The following CSMD1 variants were observed in gnomAD, a reference collection of about 807,000 sequenced individuals.
CSMD1 encodes the protein CUB and sushi domain-containing protein 1.
CSMD1 carries 213 observed loss-of-function variants against 417.5 expected under a neutral mutation model. The observed-to-expected ratio is 0.51, with a 90% CI of 0.46 to 0.57. The LOEUF (loss-of-function observed/expected upper bound fraction) is 0.57, where lower values mean the gene tolerates loss of function less well. CSMD1 is among the 20% of genes least tolerant of loss of function. The probability of loss-of-function intolerance (pLI) is 0.00; values close to 1 mark genes in which losing one functional copy is unlikely to be tolerated. For synonymous variants in CSMD1, 2,862 were observed against 1,736.8 expected, an observed-to-expected ratio of 1.65 and a Z score of -16.11; for missense variants, 6,923 against 4,529.7, an observed-to-expected ratio of 1.53 and a Z score of -15.17.
intron 3 of CSMD1, among the ~76,000 whole-genome samples, chr8:4,077,570 G>A (rs1398534880): frequency 6.6e-6 from 1 of 152,056 alleles, no homozygotes; most frequent in East Asian, 1.9e-4. Context: ...GTAAACCACT[G>A]CTATGCCTAT....
At chr8:4,268,823 C>T (rs550463731) in intron 3 of CSMD1, among the ~76,000 whole-genome samples, 3 of 152,126 alleles carry the variant, frequency 2.0e-5, no homozygotes, top group African/African-American at 7.2e-5. Flanking sequence ...TAATAGCCCC[C>T]AAGTAATCTT....
intron 10 of CSMD1, among the ~76,000 whole-genome samples, chr8:3,502,123 G>A (rs576674399): frequency 2.0e-5 from 3 of 152,148 alleles, no homozygotes; most frequent in South Asian, 4.1e-4. Context: ...CCAGCACTTT[G>A]GAAGGCTGAG....
chr8:3,551,029 C>G (rs767454797), intron 10 of CSMD1, among the ~76,000 whole-genome samples: 1 of 152,136 alleles, frequency 6.6e-6, no homozygotes, highest in Non-Finnish European at 1.5e-5. Flanking sequence ...TCAGGATCAG[C>G]CTAAATCTAA....
chr8:4,190,012 A>G (rs573137573), intron 3 of CSMD1, among the ~76,000 whole-genome samples: 30 of 151,934 alleles, frequency 2.0e-4, no homozygotes, highest in African/African-American at 6.8e-4. Context: ...AAATCCCAGC[A>G]CTTTGGGAGG....
At chr8:4,579,422 G>A (rs1799306841) in intron 2 of CSMD1, among the ~76,000 whole-genome samples, 1 of 151,930 alleles carries the variant, frequency 6.6e-6, no homozygotes, top group African/African-American at 2.4e-5. Context: ...ACAATGGCGT[G>A]ATCTCAGCTC....
intron 1 of CSMD1, among the ~76,000 whole-genome samples, chr8:4,722,571 G>C (rs575273258): frequency 6.6e-6 from 1 of 152,102 alleles, no homozygotes; most frequent in African/African-American, 2.4e-5. Context: ...CAGATAGTTA[G>C]GAATGTCTGT....
chr8:4,947,967 A>C (rs1369692002), intron 1 of CSMD1, among the ~76,000 whole-genome samples: 1 of 151,920 alleles, frequency 6.6e-6, no homozygotes, highest in South Asian at 2.1e-4. Context: ...TCTTTTTTTA[A>C]GATATCCATA....
At chr8:3,478,827 G>A (rs76131159) in intron 11 of CSMD1, among the ~76,000 whole-genome samples, 3,321 of 152,272 alleles carry the variant, frequency 0.022, 55 homozygotes, top group Middle Eastern at 0.058. Context: ...TAAGAAGGCA[G>A]AACCTGCAAG....
chr8:4,939,959 T>C (rs1030626898), intron 1 of CSMD1, among the ~76,000 whole-genome samples: 8 of 152,046 alleles, frequency 5.3e-5, no homozygotes, highest in Admixed American at 3.9e-4. Flanking sequence ...TAAAAAAAGA[T>C]TGGGAAAACT....
At chr8:3,814,571 T>A (rs1046967775) in intron 5 of CSMD1, among the ~76,000 whole-genome samples, 1 of 152,216 alleles carries the variant, frequency 6.6e-6, no homozygotes, top group Non-Finnish European at 1.5e-5. Context: ...GGATACCACT[T>A]GCACCTAGTG....
chr8:4,897,660 C>G, intron 1 of CSMD1, among the ~76,000 whole-genome samples: 1 of 152,218 alleles, frequency 6.6e-6, no homozygotes, highest in Non-Finnish European at 1.5e-5. Context: ...ATTATTTATA[C>G]AGTATCTTAA....
chr8:3,978,739 C>G (rs1204825619), intron 5 of CSMD1, among the ~76,000 whole-genome samples: 2 of 152,212 alleles, frequency 1.3e-5, no homozygotes, highest in East Asian at 3.9e-4. Flanking sequence ...AGACATATCC[C>G]CAGCATACGA....
intron 10 of CSMD1, among the ~76,000 whole-genome samples, chr8:3,504,917 G>T (rs865816618): frequency 6.6e-6 from 1 of 152,076 alleles, no homozygotes; most frequent in African/African-American, 2.4e-5. Flanking sequence ...CAAAATGCCA[G>T]TGAAATGGGC....
chr8:4,462,779 A>C (rs12676259), intron 2 of CSMD1, among the ~76,000 whole-genome samples: 2 of 150,550 alleles, frequency 1.3e-5, no homozygotes, highest in African/African-American at 5.0e-5. Context: ...CTGAGTATCC[A>C]CAAGAGGGTA....
chr8:2,997,283 T>C (rs1181055997), intron 54 of CSMD1, among the ~76,000 whole-genome samples: 1 of 152,244 alleles, frequency 6.6e-6, no homozygotes, highest in African/African-American at 2.4e-5. Flanking sequence ...AGCCAACTTC[T>C]ATACAACTTC....
intron 5 of CSMD1, among the ~76,000 whole-genome samples, chr8:3,820,023 C>G (rs939779201): frequency 1.3e-5 from 2 of 152,172 alleles, no homozygotes; most frequent in Admixed American, 6.5e-5. Context: ...ACATCACAGT[C>G]ATCTTCACAG....
At chr8:3,111,043 T>G (rs1816482468) in intron 42 of CSMD1, among the ~76,000 whole-genome samples, 1 of 152,318 alleles carries the variant, frequency 6.6e-6, no homozygotes, top group African/African-American at 2.4e-5. Flanking sequence ...TTAATTTAAA[T>G]ATTCATATAG....
At chr8:4,004,238 A>T (rs549688892) in intron 4 of CSMD1, among the ~76,000 whole-genome samples, 117 of 152,210 alleles carry the variant, frequency 7.7e-4, no homozygotes, top group African/African-American at 2.6e-3. Context: ...TTGTCAAGAA[A>T]TAGTTTAACA....
At chr8:3,865,026 T>A (rs551200729) in intron 5 of CSMD1, among the ~76,000 whole-genome samples, 1 of 152,214 alleles carries the variant, frequency 6.6e-6, no homozygotes, top group Non-Finnish European at 1.5e-5. Flanking sequence ...ATCTCCTAAT[T>A]TGTCAAGTAA....
Sources: gnomAD v4.1 joint callset for allele counts (sites outside exome capture counted in the v4.1 genomes callset) on GRCh38, gnomAD v4.1.1 for gene constraint, MANE v1.5 for transcripts, NCBI Gene and HGNC (gene_info 2026-07-23, HGNC 2026-07-21) for gene names.